Variants in CHD6 observed in about 807,000 individuals in gnomAD.
CHD6 encodes the protein chromodomain helicase DNA binding protein 6, also known as ATP-dependent chromatin remodeler CHD6.
In CHD6, 50 loss-of-function variants were observed where a neutral mutation model predicts 276.9. That is an observed-to-expected ratio of 0.18 (90% confidence interval 0.14 to 0.23). The LOEUF (loss-of-function observed/expected upper bound fraction) is 0.23. Among genes scored for constraint, CHD6 ranks in the 10% least tolerant of loss-of-function variants. CHD6 has a pLI of 1.00. For synonymous variants in CHD6, 1,173 were observed against 1,229.3 expected, an observed-to-expected ratio of 0.95 and a Z score of 0.96; for missense variants, 2,564 against 3,365.8, an observed-to-expected ratio of 0.76 and a Z score of 5.89.
rs2043337576 is a variant in CHD6, at chr20:41,483,322, G to A, written c.2455C>T (p.Leu819Phe). Reference sequence around the variant, plus strand: ...CACAAGTCTCACCTTCTCTGGATGAGGTAATCTTCTAGGATGTCGAGGCAG... The same window carrying A: ...CACAAGTCTCACCTTCTCTGGATGAAGTAATCTTCTAGGATGTCGAGGCAG... ...VRCLDILEDY[L>F]IQRRYTYERI... The change falls in exon 16 of 37, where the codon CTC (leucine) becomes TTC (phenylalanine). Residue 819 changes from leucine (L) to phenylalanine (F), a missense_variant. Leu to Phe is a conservative substitution (Grantham distance 22). Around this residue, in one of 7 missense-constraint regions of CHD6, gnomAD observed 457 missense variants for 889.0 expected, o/e 0.51. Coordinates refer to ENST00000373233, the MANE Select transcript of CHD6 (RefSeq NM_032221.5). 2 of 1,612,578 alleles carry A rather than the reference G, an allele frequency of 1.2e-6. No homozygotes were observed. The highest frequency in any genetic ancestry group is 1.7e-6 in the Non-Finnish European group (2 of 1,179,306).
intron 1 of CHD6, among the ~76,000 whole-genome samples, chr20:41,598,233 A>G (rs561430010): frequency 6.6e-4 from 100 of 152,290 alleles, no homozygotes; most frequent in African/African-American, 2.3e-3. Context: ...GGCAGACTCT[A>G]CAGGATTTTT....
chr20:41,600,996 C>A (rs2045767732), intron 1 of CHD6, among the ~76,000 whole-genome samples: 2 of 152,174 alleles, frequency 1.3e-5, no homozygotes, highest in African/African-American at 4.8e-5. Context: ...TCTATCACAT[C>A]AAAAATCTAG....
intron 26 of CHD6, among the ~76,000 whole-genome samples, chr20:41,438,726 C>CA (rs1369496456): frequency 6.6e-6 from 1 of 152,174 alleles, no homozygotes; most frequent in Non-Finnish European, 1.5e-5. Flanking sequence ...AGCCACCCCA[C>CA]AAAAAATAGC....
chr20:41,481,941 C>A, intron 16 of CHD6, among the ~76,000 whole-genome samples: 1 of 151,808 alleles, frequency 6.6e-6, no homozygotes, highest in Non-Finnish European at 1.5e-5. Flanking sequence ...AAAAAACAGA[C>A]TGAGAAGATA....
chr20:41,591,407 C>CACACACACACACAT (rs1398296795), intron 1 of CHD6, among the ~76,000 whole-genome samples: 2 of 134,308 alleles, frequency 1.5e-5, no homozygotes, highest in Non-Finnish European at 3.0e-5. Flanking sequence ...CACACACACA[C>CACACACACACACAT]ATATATATAT....
chr20:41,452,915 C>A lies in CHD6; in HGVS notation c.3148G>T (p.Val1050Leu), dbSNP rs760322306. 6 of 1,613,620 alleles carry A rather than the reference C, an allele frequency of 3.7e-6. No individual in the cohort carries two copies. The African/African-American group carries it at 5.3e-5, about 14-fold the overall frequency. ...KESLVIDRPR[V>L]RKQTKHYNSF... ...TTGTAGTGTTTGGTCTGCTTTCTCA[C>A]GCGAGGTCGGTCGATCACTAAGCTT... The change falls in exon 21 of 37, where the codon GTG (valine) becomes TTG (leucine). Residue 1050 changes from valine to leucine, a missense_variant. By Grantham distance (32) the Val-to-Leu change is conservative. Around this residue, in one of 7 missense-constraint regions of CHD6, gnomAD observed 515 missense variants for 739.5 expected, o/e 0.70. Coordinates refer to ENST00000373233, the MANE Select transcript of CHD6 (RefSeq NM_032221.5). This position sits in a 1 kb window ranked among gnomAD's most constrained non-coding sequence, Gnocchi z 4.2.
At chr20:41,524,451 C>CA (rs972013983) in intron 3 of CHD6, among the ~76,000 whole-genome samples, 3 of 152,014 alleles carry the variant, frequency 2.0e-5, no homozygotes, top group African/African-American at 7.2e-5. Context: ...AAAAAGGAAA[C>CA]AAAAAGATTA....
rs144095157 is a variant in CHD6 at position 41,415,677 on chromosome 20, C to A, written c.6487-39G>T. 1.6e-4 allele frequency: 232 copies of A among 1,445,962 alleles called. 1 individual carries two copies. In the African/African-American group the frequency reaches 3.0e-3, roughly 19 times the overall value. The allele number at this position is 1,445,962 out of a possible 1,614,324, so 89.6% of individuals were successfully genotyped here. On this transcript the variant is annotated intron_variant, in intron 33 of 36. Transcript: ENST00000373233. The stretch of plus-strand genomic sequence containing the variant: ...AACAGCAAGAGAGGTCTGAATGTCA[C>A]ACAAGTGGCTGAATGCTAGCTCTTT...
At chr20:41,552,424 A>G (rs369225525) in intron 1 of CHD6, among the ~76,000 whole-genome samples, 1 of 152,236 alleles carries the variant, frequency 6.6e-6, no homozygotes, top group East Asian at 1.9e-4. Context: ...TTAAAGTGAG[A>G]TAAGTATTTG....
chr20:41,417,393 G>A (rs1037643329), intron 31 of CHD6, 44 bp from the exon 32 acceptor site: 2 of 1,546,464 alleles, frequency 1.3e-6, no homozygotes, highest in Non-Finnish European at 1.8e-6. Flanking sequence ...AACTATAGTA[G>A]TGAGATACTA....
At chr20:41,486,994 A>G (rs898388960) in intron 14 of CHD6, among the ~76,000 whole-genome samples, 3 of 152,214 alleles carry the variant, frequency 2.0e-5, no homozygotes, top group Non-Finnish European at 4.4e-5. Context: ...TCTCCTTTGA[A>G]GGACCACCTC....
intron 17 of CHD6, among the ~76,000 whole-genome samples, chr20:41,464,025 GGA>G (rs2042861527): frequency 6.6e-6 from 1 of 152,154 alleles, no homozygotes; most frequent in South Asian, 2.1e-4. Flanking sequence ...GAGACACAAA[GGA>G]GAGAGTGAGA....
At chr20:41,426,236 A>G in intron 27 of CHD6, 83 bp from the exon 28 acceptor site, 3 of 956,600 alleles carry the variant, frequency 3.1e-6, no homozygotes, top group East Asian at 2.4e-5. Context: ...GGAAAGAGTA[A>G]GCATCACGCA....
intron 17 of CHD6, among the ~76,000 whole-genome samples, chr20:41,465,926 C>T (rs758019646): frequency 1.7e-4 from 26 of 152,216 alleles, no homozygotes; most frequent in African/African-American, 5.5e-4. Context: ...GTTTGTAGGC[C>T]GGGCGTGGTG....
intron 5 of CHD6, 24 bp downstream of exon 5, chr20:41,512,822 A>G: frequency 1.2e-6 from 2 of 1,613,726 alleles, no homozygotes; most frequent in Non-Finnish European, 1.7e-6. Flanking sequence ...AGCCAAGGTC[A>G]GTAACCTCAT....
At chr20:41,585,401 G>A (rs534606444) in intron 1 of CHD6, among the ~76,000 whole-genome samples, 3 of 151,720 alleles carry the variant, frequency 2.0e-5, no homozygotes, top group Non-Finnish European at 4.4e-5. Flanking sequence ...TCGGGAGGCT[G>A]AGGCAGGAGA....
rs568628512 is a variant in CHD6, at chr20:41,577,334, T to G, written c.-23-25974A>C. ...GCTAAGATTTATCTGGGTGGCCGCT[T>G]TGTAACAAGCAGCTTTAACTTCAGT... On this transcript the variant is annotated intron_variant, in intron 1 of 36. Coordinates refer to ENST00000373233, the MANE Select transcript of CHD6 (RefSeq NM_032221.5). 2.7e-4 allele frequency among the ~76,000 whole-genome samples: 41 copies of G among 152,346 alleles called. 1 individual carries two copies. The highest frequency in any genetic ancestry group is 3.4e-3 in the Middle Eastern group (1 of 294).
At chr20:41,500,520 ACCACACACGTC>A (rs920210559) in intron 5 of CHD6, among the ~76,000 whole-genome samples, 22 of 152,132 alleles carry the variant, frequency 1.4e-4, no homozygotes, top group African/African-American at 5.3e-4. Context: ...TTAATCCAAA[ACCACACACGTC>A]CCTTCTCACC....
rs763600367 is a variant in CHD6, at chr20:41,533,364, A to G, written c.240T>C (p.Asn80=). ...CTCCTCCTCCACTGTCCTCCATCCC[A>G]TTATGGGATGTCATTTTCCTAGGAA... is the stretch of plus-strand genomic sequence containing the variant. ...TLFPRKMTSH[N]GMEDSGGGGT... is the part of the protein sequence containing the mutation. Residue 80 remains asparagine (N), a synonymous_variant, in exon 3 of 37, where the codon AAT becomes AAC. Transcript: ENST00000373233. 6.2e-7 allele frequency: 1 copy of G among 1,613,590 alleles called. No homozygotes were observed. The highest frequency in any genetic ancestry group is 2.2e-5 in the East Asian group (1 of 44,848).
Sources: allele counts gnomAD v4.1 joint callset (sites outside exome capture counted in the v4.1 genomes callset), GRCh38; gene constraint gnomAD v4.1.1; regional missense constraint gnomAD v4.1.1; non-coding constraint Gnocchi (gnomAD v3.1); transcripts MANE v1.5; gene names NCBI Gene and HGNC (gene_info 2026-07-23, HGNC 2026-07-21).